The following CIC variants were observed in gnomAD, a reference collection of about 807,000 sequenced individuals.
The protein encoded by CIC is protein capicua homolog.
Under a neutral mutation model 115.7 loss-of-function variants are expected in CIC, and 18 were observed. The observed-to-expected ratio is 0.16, with a 90% CI of 0.11 to 0.23. The LOEUF (loss-of-function observed/expected upper bound fraction) is 0.23. Among genes scored for constraint, CIC ranks in the 10% least tolerant of loss-of-function variants. The pLI, the probability that CIC is intolerant of heterozygous loss-of-function variation, is 1.00. For synonymous variants in CIC, 1,076 were observed against 923.0 expected, an observed-to-expected ratio of 1.17 and a Z score of -3.01; for missense variants, 2,000 against 2,159.3, an observed-to-expected ratio of 0.93 and a Z score of 1.46.
chr19:42,277,291 G>A (rs959724453), intron 2 of CIC, among the ~76,000 whole-genome samples: 27 of 152,256 alleles, frequency 1.8e-4, no homozygotes, highest in African/African-American at 5.8e-4. Flanking sequence ...GTGCAGTAGC[G>A]CAATCTTGGT....
At chr19:42,292,884 A>G in intron 15 of CIC, 25 bp downstream of exon 15, 1 of 1,613,860 alleles carries the variant, frequency 6.2e-7, no homozygotes, top group South Asian at 1.1e-5. Flanking sequence ...AACCCAGAGC[A>G]GAGTGAGTTG....
At chr19:42,294,379 T>A (rs543335712) in intron 19 of CIC, 75 bp downstream of exon 19, 49 of 1,598,132 alleles carry the variant, frequency 3.1e-5, no homozygotes, top group African/African-American at 1.7e-4. Flanking sequence ...GGTTAGAGAG[T>A]GAGAGAGGTA....
rs774942635 is a variant in CIC, at chr19:42,293,579, A to C, written c.6523-13A>C. 7 of 1,613,620 alleles carry C rather than the reference A, an allele frequency of 4.3e-6. No homozygotes were observed. The African/African-American group carries it at 9.3e-5, about 22-fold the overall frequency. On this transcript the variant is annotated splice_polypyrimidine_tract_variant and intron_variant, in intron 16 of 20. Transcript: ENST00000681038. ...CTCAGTGTTCGCCATCTCCCTGCCC[A>C]TCTCCACCCCAGGCCAGCAAATTCC...
rs762036903 is a variant in CIC at position 42,290,739 on chromosome 19, T to C, written c.4698T>C (p.Tyr1566=). ...CCGCCCCCGCCCCATCACTGGCCTA[T>C]GGGGCCCCAGCAGCTCCCCTGTCCC... The part of the protein sequence containing the change: ...VPSAPAPSLA[Y]GAPAAPLSRP... Residue 1566 remains tyrosine, a synonymous_variant, in exon 11 of 21, where the codon TAT becomes TAC. Coordinates refer to ENST00000681038, the MANE Select transcript of CIC (RefSeq NM_001386298.1). 6.2e-7 allele frequency: 1 copy of C among 1,612,480 alleles called. No individual in the cohort carries two copies. Among genetic ancestry groups the C allele is most frequent in the East Asian group, 2.2e-5 (1 of 44,850 alleles).
In CIC at chr19:42,290,461, G is replaced by A; in HGVS notation, c.4420G>A (p.Gly1474Ser). The change falls in exon 11 of 21, where the codon GGC (glycine) becomes AGC (serine). Residue 1474 changes from glycine (G) to serine (S), a missense_variant. Physicochemically the swap from Gly to Ser is moderately conservative, Grantham distance 56 (BLOSUM62 0). Transcript: ENST00000681038. ...CTTCAAGGCCCAGGAGTCTGGTCAG[G>A]GCAGCACAGCGGGCCCCCTACGGCC... ...GTFKAQESGQGSTAGPLRPPP... is the reference protein window; with the variant it reads ...GTFKAQESGQSSTAGPLRPPP... 1 of 1,613,992 alleles carries A rather than the reference G, an allele frequency of 6.2e-7. No homozygotes were observed. The highest frequency in any genetic ancestry group is 8.5e-7 in the Non-Finnish European group (1 of 1,179,958).
chr19:42,277,402 G>A (rs2037025502), intron 2 of CIC, among the ~76,000 whole-genome samples: 1 of 152,130 alleles, frequency 6.6e-6, no homozygotes, highest in Admixed American at 6.6e-5. Flanking sequence ...GCTAATTTTT[G>A]TATTTTTAGT....
At chr19:42,286,684 G>A (rs777939957) in intron 2 of CIC, 87 bp from the exon 3 acceptor site, 5 of 1,552,960 alleles carry the variant, frequency 3.2e-6, no homozygotes, top group African/African-American at 1.4e-5. Context: ...AAGGGGTGGG[G>A]CTACCTCATC....
In CIC at chr19:42,288,926, C is replaced by T; in HGVS notation, c.3697C>T (p.Leu1233=). The change falls in exon 8 of 21, where the codon CTG becomes TTG. Residue 1233 remains leucine (L), a synonymous_variant. Coordinates refer to ENST00000681038, the MANE Select transcript of CIC (RefSeq NM_001386298.1). ...ELLSVAAQTL[L]SSDTKAPGSS... is the part of the protein sequence containing the mutation. ...CCTGTCCGTTGCAGCCCAGACACTCCTGAGCTCAGACACCAAGGCTCCGGG... is the reference window on the plus strand; with the variant it reads ...CCTGTCCGTTGCAGCCCAGACACTCTTGAGCTCAGACACCAAGGCTCCGGG... 1 of 1,614,144 alleles carries T rather than the reference C, an allele frequency of 6.2e-7. No individual in the cohort carries two copies. Among genetic ancestry groups the T allele is most frequent in the Non-Finnish European group, 8.5e-7 (1 of 1,180,048 alleles).
rs549730758 is a variant in CIC, at chr19:42,280,656, T to A, written c.2794+6079T>A. 6.6e-6 allele frequency among the ~76,000 whole-genome samples: 1 copy of A among 151,990 alleles called. No homozygotes were observed. Among genetic ancestry groups the A allele is most frequent in the African/African-American group, 2.4e-5 (1 of 41,456 alleles). Reference sequence around the variant, plus strand: ...CGCCCCGCCGCGGCCCGCGTGGGTGTCAGGCCGGCCGGGCACCCGTCCGCC... The same window carrying A: ...CGCCCCGCCGCGGCCCGCGTGGGTGACAGGCCGGCCGGGCACCCGTCCGCC... On this transcript the variant is annotated intron_variant, in intron 2 of 20. Coordinates refer to ENST00000681038, the MANE Select transcript of CIC (RefSeq NM_001386298.1). This position sits in a 1 kb window ranked among gnomAD's most constrained non-coding sequence, Gnocchi z 4.9.
chr19:42,294,954 A>G lies in CIC; in HGVS notation c.7317A>G (p.Gly2439=), dbSNP rs1447804915. The change falls in exon 21 of 21, where the codon GGA becomes GGG. Residue 2439 remains glycine (G), a synonymous_variant. Coordinates refer to ENST00000681038, the MANE Select transcript of CIC (RefSeq NM_001386298.1). The stretch of plus-strand genomic sequence containing the variant: ...CCACTCCCACGGAGCAGCCCCCTGG[A>G]GCTGAGGCTCCTCTCCCTGTACCGC... ...QAATPTEQPP[G]AEAPLPVPPP... 6.2e-7 allele frequency: 1 copy of G among 1,600,210 alleles called. No homozygotes were observed. Among genetic ancestry groups the G allele is most frequent in the Non-Finnish European group, 8.5e-7 (1 of 1,179,902 alleles).
chr19:42,294,788 C>G lies in CIC; in HGVS notation c.7187-36C>G, dbSNP rs559325928. The G allele has an allele frequency of 7.5e-6, 12 of 1,608,222 alleles. No homozygotes were observed. The African/African-American group carries it at 1.1e-4, about 14-fold the overall frequency. ...ACTCGGGTGGGACTTATCTGTACAT[C>G]TCATCCTGTGCTCCCCACCGTTTTT... On this transcript the variant is annotated intron_variant, in intron 20 of 20. Coordinates refer to ENST00000681038, the MANE Select transcript of CIC (RefSeq NM_001386298.1).
chr19:42,286,626 C>A (rs963749815), intron 2 of CIC, 145 bp from the exon 3 acceptor site: 7 of 947,768 alleles, frequency 7.4e-6, no homozygotes, highest in Non-Finnish European at 1.1e-5. Context: ...AGTGACGTTG[C>A]ATGGACGAGT....
Position 42,273,170 on chromosome 19 carries a change from G to A in CIC, c.1387G>A (p.Gly463Arg). The change falls in exon 2 of 21, where the codon GGG becomes AGG. Residue 463 changes from glycine to arginine, a missense_variant. Gly to Arg is a moderately radical substitution (Grantham distance 125). This residue lies in a region of CIC where 222 missense variants were observed against 247.7 expected (regional missense o/e 0.90). Coordinates refer to ENST00000681038, the MANE Select transcript of CIC (RefSeq NM_001386298.1). Reference protein sequence around the residue: ...RSSSVASLEKGTAPAARARTP... With the variant: ...RSSSVASLEKRTAPAARARTP... ...CAGCAGCGTGGCCTCCCTGGAAAAG[G>A]GGACAGCACCGGCAGCCCGGGCCCG... The A allele has an allele frequency of 2.5e-6, 1 of 398,724 alleles. No homozygotes were observed. The highest frequency in any genetic ancestry group is 4.4e-6 in the Non-Finnish European group (1 of 226,122). The allele number at this position is 398,724 out of a possible 1,614,324, so 24.7% of individuals were successfully genotyped here. A position where few individuals can be genotyped will look rare whatever the true frequency, so the allele number is the denominator to read the frequency against.
chr19:42,294,037 C>T lies in CIC; in HGVS notation c.6870C>T (p.Thr2290=), dbSNP rs748449895. The part of the protein sequence containing the change: ...LPSPTLQSLA[T]SPRAILGSYR... ...CCCCCACCCTGCAGTCTCTGGCCAC[C>T]TCACCCCGGGCCATCCTGGGCTCTT... The change falls in exon 18 of 21, where the codon ACC becomes ACT. Residue 2290 remains threonine (T), a synonymous_variant. Coordinates refer to ENST00000681038, the MANE Select transcript of CIC (RefSeq NM_001386298.1). 1.2e-5 allele frequency: 19 copies of T among 1,613,534 alleles called. No individual in the cohort carries two copies. In the Admixed American group the frequency reaches 2.0e-4, roughly 17 times the overall value.
At chr19:42,288,800 T>G (rs1056637195) in intron 7 of CIC, 88 bp from the exon 8 acceptor site, 28 of 1,213,650 alleles carry the variant, frequency 2.3e-5, no homozygotes, top group Non-Finnish European at 9.6e-6. Context: ...TTCTGCCTAG[T>G]ACCTAGAAAT....
rs1296550810 is a variant in CIC at position 42,291,759 on chromosome 19, T to G, written c.5613+14T>G. The G allele has an allele frequency of 3.2e-5, 51 of 1,612,726 alleles. No individual in the cohort carries two copies. In the Admixed American group the frequency reaches 8.5e-4, roughly 27 times the overall value. ...CCCCCCAGCAAGGTGAGGGCCTGCCTTTCTCTCTACCTGCTGGATGTTGGC... is the reference window on the plus strand; with the variant it reads ...CCCCCCAGCAAGGTGAGGGCCTGCCGTTCTCTCTACCTGCTGGATGTTGGC... On this transcript the variant is annotated intron_variant, in intron 12 of 20. Transcript: ENST00000681038.
At chr19:42,292,883 C>T (rs775351060) in intron 15 of CIC, 24 bp downstream of exon 15, 3 of 1,613,754 alleles carry the variant, frequency 1.9e-6, no homozygotes, top group Admixed American at 1.7e-5. Flanking sequence ...CAACCCAGAG[C>T]AGAGTGAGTT....
intron 8 of CIC, 42 bp downstream of exon 8, chr19:42,289,132 T>C (rs972813798): frequency 6.2e-7 from 1 of 1,613,102 alleles, no homozygotes; most frequent in African/African-American, 1.3e-5. Flanking sequence ...GCAGGGAACC[T>C]GTCCAGGGCA....
chr19:42,275,514 G>A (rs182535049), intron 2 of CIC, among the ~76,000 whole-genome samples: 3 of 152,238 alleles, frequency 2.0e-5, no homozygotes, highest in East Asian at 3.9e-4. Flanking sequence ...AGGCCAGGGT[G>A]GCTGGAGAGC....
Sources: allele counts gnomAD v4.1 joint callset (sites outside exome capture counted in the v4.1 genomes callset), GRCh38; gene constraint gnomAD v4.1.1; regional missense constraint gnomAD v4.1.1; non-coding constraint Gnocchi (gnomAD v3.1); transcripts MANE v1.5; gene names NCBI Gene and HGNC (gene_info 2026-07-23, HGNC 2026-07-21).